SCT: variants seen among roughly 807,000 people sequenced by gnomAD.
The protein encoded by SCT is secretin.
In SCT, 17 loss-of-function variants were observed where a neutral mutation model predicts 10.9. That is an observed-to-expected ratio of 1.55 (90% CI 1.06 to 2.33). The LOEUF is 2.33. Ranked by LOEUF, SCT falls within the 30% of genes most tolerant of loss-of-function variation. The pLI is 0.00. For missense variants in SCT, 230 were observed against 165.9 expected, an observed-to-expected ratio of 1.39 and a Z score of -2.12; for synonymous variants, 96 against 73.9, an observed-to-expected ratio of 1.30 and a Z score of -1.54.
chr11:627,032 G>A, intron 1 of SCT, 41 bp downstream of exon 1: 2 of 1,297,682 alleles, frequency 1.5e-6, no homozygotes. Context: ...ACTGGGGGCG[G>A]GTGGGGCCCG....
chr11:626,926 C>G lies in SCT; in HGVS notation c.135G>C (p.Arg45=). 6.5e-7 allele frequency: 1 copy of G among 1,537,994 alleles called. No homozygotes were observed. The highest frequency in any genetic ancestry group is 8.7e-7 in the Non-Finnish European group (1 of 1,146,146). ...CCAGGCCCTGTAGCAGCCGCTGGAG[C>G]CGCGCGCCCTCCCGCAGGCGGCTGA... ...SELSRLREGA[R]LQRLLQGLVG... The change falls in exon 2 of 4, where the codon CGG becomes CGC. Residue 45 remains arginine (R), a synonymous_variant. Transcript: ENST00000176195.
intron 3 of SCT, 81 bp downstream of exon 3, chr11:626,616 C>T (rs1857753283): frequency 2.0e-6 from 3 of 1,473,714 alleles, no homozygotes; most frequent in East Asian, 2.5e-5. Context: ...TGGCCACCAG[C>T]GCTGACCCGG....
At position 626,861 on chromosome 11, in the gene SCT, A is replaced by T. The variant is rs879501144; in HGVS notation, c.173+27T>A. The T allele has an allele frequency of 2.6e-6, 4 of 1,542,762 alleles. No homozygotes were observed. The Admixed American group carries it at 7.9e-5, about 30-fold the overall frequency. On this transcript the variant is annotated intron_variant, in intron 2 of 3. Transcript: ENST00000176195. ...CGCGTTGCTGCTGGGGCACCACGCC[A>T]GGACCCCCCACCCCACCCGGCCTCA...
Position 627,130 on chromosome 11 carries a change from G to T in SCT, c.14C>A (p.Pro5His). 9.1e-7 allele frequency: 1 copy of T among 1,093,992 alleles called. No homozygotes were observed. The highest frequency in any genetic ancestry group is 1.1e-6 in the Non-Finnish European group (1 of 895,740). 67.8% of individuals were successfully genotyped at this position (1,093,992 alleles called of 1,614,324 possible). Residue 5 changes from proline to histidine, a missense_variant, in exon 1 of 4, where the codon CCC (proline) becomes CAC (histidine). By Grantham distance (77) the Pro-to-His change is moderately conservative. Coordinates refer to ENST00000176195, the MANE Select transcript of SCT (RefSeq NM_021920.4). ...GAGGAGCAGCAGCAGCAGCAGGAGGGGCCGGGGGGCCATGGCGGGGTCGGG... is the reference window on the plus strand; with the variant it reads ...GAGGAGCAGCAGCAGCAGCAGGAGGTGCCGGGGGGCCATGGCGGGGTCGGG... The part of the protein sequence containing the change: MAPR[P>H]LLLLLLLLGG...
At chr11:626,642 A>AGG (rs913780327) in intron 3 of SCT, 55 bp downstream of exon 3, 6 of 1,482,010 alleles carry the variant, frequency 4.0e-6, no homozygotes, top group Non-Finnish European at 5.5e-6. Context: ...CCAGGACAGA[A>AGG]GGAGGGGTCT....
In SCT at chr11:626,675, C is replaced by A. The variant is rs926392356; in HGVS notation, c.266+22G>T. ...TCTGGGGTGGGGTCTGGAGTGGGGT[C>A]TGCGGTGGGGCGGGTGCTCACCAGG... On this transcript the variant is annotated intron_variant, in intron 3 of 3. Coordinates refer to ENST00000176195, the MANE Select transcript of SCT (RefSeq NM_021920.4). 4 of 1,534,280 alleles carry A rather than the reference C, an allele frequency of 2.6e-6. No homozygotes were observed. In the African/African-American group the frequency reaches 5.5e-5, roughly 21 times the overall value.
chr11:626,875 C>G lies in SCT; in HGVS notation c.173+13G>C. 6.5e-7 allele frequency: 1 copy of G among 1,544,228 alleles called. No homozygotes were observed. The highest frequency in any genetic ancestry group is 8.7e-7 in the Non-Finnish European group (1 of 1,145,248). On this transcript the variant is annotated intron_variant, in intron 2 of 3. Transcript: ENST00000176195. ...GGCACCACGCCAGGACCCCCCACCC[C>G]ACCCGGCCTCACCTGCGCTTCCCCA...
At chr11:626,604 AGTG>A in intron 3 of SCT, 74 bp from the exon 4 acceptor site, 1 of 1,469,676 alleles carries the variant, frequency 6.8e-7, no homozygotes, top group Non-Finnish European at 9.3e-7. Flanking sequence ...TTGGGCCTCC[AGTG>A]GCCACCAGCG....
At position 626,881 on chromosome 11, in the gene SCT, G is replaced by T. The variant is rs775730466; in HGVS notation, c.173+7C>A. On this transcript the variant is annotated splice_region_variant and intron_variant, in intron 2 of 3. Transcript: ENST00000176195. The stretch of plus-strand genomic sequence containing the variant: ...ACGCCAGGACCCCCCACCCCACCCG[G>T]CCTCACCTGCGCTTCCCCACCAGGC... The T allele has an allele frequency of 6.5e-7, 1 of 1,543,768 alleles. No homozygotes were observed.
chr11:627,127 A>G lies in SCT; in HGVS notation c.17T>C (p.Leu6Pro). 1 of 542,422 alleles carries G rather than the reference A, an allele frequency of 1.8e-6. No homozygotes were observed. The highest frequency in any genetic ancestry group is 2.4e-6 in the Non-Finnish European group (1 of 412,470). The allele number at this position is 542,422 out of a possible 1,614,324, so 33.6% of individuals were successfully genotyped here. A position where few individuals can be genotyped will look rare whatever the true frequency, so the allele number is the denominator to read the frequency against. ...CCCGAGGAGCAGCAGCAGCAGCAGG[A>G]GGGGCCGGGGGGCCATGGCGGGGTC... is the stretch of plus-strand genomic sequence containing the variant. MAPRP[L>P]LLLLLLLGGS... is the part of the protein sequence containing the mutation. The change falls in exon 1 of 4, where the codon CTC (leucine) becomes CCC (proline). Residue 6 changes from leucine (L) to proline (P), a missense_variant. Leu to Pro is a moderately conservative substitution (Grantham distance 98). Coordinates refer to ENST00000176195, the MANE Select transcript of SCT (RefSeq NM_021920.4).
rs910822997 is a variant in SCT at position 627,089 on chromosome 11, G to A, written c.55C>T (p.Arg19Cys). ...LLLLLGGSAARPAPPRARRHS... is the reference protein window; with the variant it reads ...LLLLLGGSAACPAPPRARRHS... ...GCGGCTCACCTGGGGGGCGCGGGGCGCGCGGCGGAGCCCCCGAGGAGCAGC... is the reference window on the plus strand; with the variant it reads ...GCGGCTCACCTGGGGGGCGCGGGGCACGCGGCGGAGCCCCCGAGGAGCAGC... Residue 19 changes from arginine (R) to cysteine (C), a missense_variant, in exon 1 of 4, where the codon CGC becomes TGC. Arg to Cys is a radical substitution (Grantham distance 180, BLOSUM62 -3). Transcript: ENST00000176195. 1.1e-5 allele frequency: 12 copies of A among 1,123,252 alleles called. No homozygotes were observed. The Admixed American group carries it at 1.4e-4, about 14-fold the overall frequency. 69.6% of individuals were successfully genotyped at this position (1,123,252 alleles called of 1,614,324 possible).
At chr11:626,633 C>G (rs1389907410) in intron 3 of SCT, 64 bp downstream of exon 3, 8 of 1,485,300 alleles carry the variant, frequency 5.4e-6, no homozygotes, top group Non-Finnish European at 7.3e-6. Flanking sequence ...CCGGGGAGGC[C>G]AGGACAGAAG....
intron 3 of SCT, 79 bp downstream of exon 3, chr11:626,618 C>T: frequency 2.0e-6 from 3 of 1,477,076 alleles, no homozygotes; most frequent in Non-Finnish European, 2.8e-6. Flanking sequence ...GCCACCAGCG[C>T]TGACCCGGGG....
At chr11:626,849 G>T (rs1857771000) in intron 2 of SCT, 39 bp downstream of exon 2, 3 of 1,542,092 alleles carry the variant, frequency 1.9e-6, no homozygotes, top group Non-Finnish European at 2.6e-6. Flanking sequence ...GTTGCTGCTG[G>T]GGCACCACGC....
In SCT at chr11:626,475, C is replaced by G; in HGVS notation, c.322G>C (p.Glu108Gln). The change falls in exon 4 of 4, where the codon GAA becomes CAA. Residue 108 changes from glutamate to glutamine, a missense_variant. Physicochemically the swap from Glu to Gln is conservative, Grantham distance 29. Transcript: ENST00000176195. ...CCTTCTGCAGCAGCGCCAGCTGGTT[C>G]TGAAACCATAGGCCCAGGGGGCAGC... ...PWLPPGPMVS[E>Q]PAGAAAEGTL... The G allele has an allele frequency of 6.4e-7, 1 of 1,558,910 alleles. No individual in the cohort carries two copies. Among genetic ancestry groups the G allele is most frequent in the Non-Finnish European group, 8.7e-7 (1 of 1,151,112 alleles).
At chr11:627,043 G>A (rs1857791561) in intron 1 of SCT, 30 bp downstream of exon 1, 1 of 1,227,766 alleles carries the variant, frequency 8.1e-7, no homozygotes, top group East Asian at 3.4e-5. Flanking sequence ...GTGGGGCCCG[G>A]GGGGCGGGCG....
At position 626,481 on chromosome 11, in the gene SCT, C is replaced by T. The variant is rs1172346776; in HGVS notation, c.316G>A (p.Val106Ile). 1.9e-6 allele frequency: 3 copies of T among 1,559,760 alleles called. No individual in the cohort carries two copies. Among genetic ancestry groups the T allele is most frequent in the Admixed American group, 1.9e-5 (1 of 51,984 alleles). ...GCAGCAGCGCCAGCTGGTTCTGAAA[C>T]CATAGGCCCAGGGGGCAGCCAGGGA... ...WSPWLPPGPM[V>I]SEPAGAAAEG... Residue 106 changes from valine (V) to isoleucine (I), a missense_variant, in exon 4 of 4, where the codon GTT becomes ATT. Coordinates refer to ENST00000176195, the MANE Select transcript of SCT (RefSeq NM_021920.4).
Position 627,115 on chromosome 11 carries a change from A to T in SCT, c.29T>A (p.Leu10Gln), listed in dbSNP as rs1374269103. ...CGCGGCGGAGCCCCCGAGGAGCAGCAGCAGCAGCAGGAGGGGCCGGGGGGC... is the reference window on the plus strand; with the variant it reads ...CGCGGCGGAGCCCCCGAGGAGCAGCTGCAGCAGCAGGAGGGGCCGGGGGGC... Reference protein sequence around the residue: MAPRPLLLLLLLLGGSAARP... With the variant: MAPRPLLLLQLLLGGSAARP... Residue 10 changes from leucine to glutamine, a missense_variant, in exon 1 of 4, where the codon CTG becomes CAG. Physicochemically the swap from Leu to Gln is moderately radical, Grantham distance 113. Transcript: ENST00000176195. 8.9e-6 allele frequency: 9 copies of T among 1,010,046 alleles called. No individual in the cohort carries two copies. The highest frequency in any genetic ancestry group is 1.1e-5 in the Non-Finnish European group (9 of 819,228). The allele number at this position is 1,010,046 out of a possible 1,614,324, so 62.6% of individuals were successfully genotyped here. A position where few individuals can be genotyped will look rare whatever the true frequency, so the allele number is the denominator to read the frequency against.
rs1857787063 is a variant in SCT, at chr11:626,993, C to CGGGCGGTCGGGG, written c.72-16_72-5dup. ...CCCGTCTGAGTGTCGCCGGGCCCTGCGGGCGGTCGGGGGTCGGGGTCAGGG... is the reference window on the plus strand; with the variant it reads ...CCCGTCTGAGTGTCGCCGGGCCCTGCGGGCGGTCGGGGGGGCGGTCGGGGGTCGGGGTCAGGG... On this transcript the variant is annotated splice_region_variant and splice_polypyrimidine_tract_variant and intron_variant, in intron 1 of 3. Transcript: ENST00000176195. 8.9e-7 allele frequency: 1 copy of CGGGCGGTCGGGG among 1,120,430 alleles called. No homozygotes were observed. The allele number at this position is 1,120,430 out of a possible 1,614,324, so 69.4% of individuals were successfully genotyped here. A position where few individuals can be genotyped will look rare whatever the true frequency, so the allele number is the denominator to read the frequency against.
Sources: allele counts gnomAD v4.1 joint callset, GRCh38; gene constraint gnomAD v4.1.1; transcripts MANE v1.5; gene names NCBI Gene and HGNC (gene_info 2026-07-23, HGNC 2026-07-21).